SHANK2: variants seen among roughly 807,000 people sequenced by gnomAD.
SHANK2 encodes SH3 and multiple ankyrin repeat domains protein 2.
A neutral mutation model predicts 133.7 loss-of-function variants in SHANK2; 43 were observed. The ratio of observed to expected loss-of-function variants is 0.32; its 90% CI spans 0.25 to 0.41. The LOEUF is 0.41. Ranked by LOEUF, SHANK2 falls within the 10% of genes least tolerant of loss-of-function variation. The pLI, the probability that SHANK2 is intolerant of heterozygous loss-of-function variation, is 1.00. For synonymous variants in SHANK2, 1,017 were observed against 952.8 expected (o/e 1.07, Z -1.24); for missense variants, 1,994 against 2,235.8 (o/e 0.89, Z 2.18).
intron 14 of SHANK2, among the ~76,000 whole-genome samples, chr11:70,781,363 C>T (rs1349466496): frequency 6.6e-6 from 1 of 151,070 alleles, no homozygotes; most frequent in Non-Finnish European, 1.5e-5. Flanking sequence ...ACCCTCAGAG[C>T]CCCATGGTAC....
intron 11 of SHANK2, among the ~76,000 whole-genome samples, chr11:70,880,362 C>T (rs368111949): frequency 8.5e-5 from 13 of 152,170 alleles, no homozygotes; most frequent in South Asian, 6.2e-4. Context: ...GAAGAGTCTA[C>T]GAAGAAAGTT....
intron 11 of SHANK2, among the ~76,000 whole-genome samples, chr11:70,881,711 T>C (rs1447618812): frequency 7.0e-6 from 1 of 143,358 alleles, no homozygotes; most frequent in Non-Finnish European, 1.5e-5. Flanking sequence ...CTTTTGAGTA[T>C]ACTAGATCCT....
intron 2 of SHANK2, among the ~76,000 whole-genome samples, chr11:71,158,449 T>G (rs1255530440): frequency 6.6e-6 from 1 of 152,210 alleles, no homozygotes; most frequent in Non-Finnish European, 1.5e-5. Context: ...AGCATTATCT[T>G]TTTGAAATAA....
At chr11:70,853,406 A>G (rs531028950) in intron 11 of SHANK2, among the ~76,000 whole-genome samples, 76 of 152,316 alleles carry the variant, frequency 5.0e-4, no homozygotes, top group Middle Eastern at 3.4e-3. Flanking sequence ...AGTGAGGCTG[A>G]GTGCGTCGGC....
rs2058611497 is a variant in SHANK2 at position 70,472,730 on chromosome 11, AG to A, written c.*138del. The A allele has an allele frequency of 1.2e-6, 1 of 859,812 alleles. No individual in the cohort carries two copies. Among genetic ancestry groups the A allele is most frequent in the African/African-American group, 1.7e-5 (1 of 60,598 alleles). 53.3% of individuals were successfully genotyped at this position (859,812 alleles called of 1,614,324 possible). On this transcript the variant is annotated 3_prime_UTR_variant, in exon 26 of 26. Coordinates refer to ENST00000601538, the MANE Select transcript of SHANK2 (RefSeq NM_012309.5). The surrounding 1 kb of genome is among the most constrained non-coding windows in gnomAD (Gnocchi z 4.4). The stretch of plus-strand genomic sequence containing the variant: ...CCCAGCCATGTTGTGGACACAACTC[AG>A]TATTTCTTTGGGTACCAGGAGACAA...
intron 9 of SHANK2, among the ~76,000 whole-genome samples, chr11:71,067,781 T>TCACCAC (rs1295672667): frequency 1.3e-5 from 2 of 151,518 alleles, no homozygotes; most frequent in African/African-American, 4.9e-5. Context: ...ACTGCCATCA[T>TCACCAC]CACCACCACC....
chr11:70,792,922 C>CA (rs1332653544), intron 14 of SHANK2, among the ~76,000 whole-genome samples: 3 of 151,596 alleles, frequency 2.0e-5, no homozygotes, highest in Non-Finnish European at 2.9e-5. Context: ...CTCGTCTCTA[C>CA]AAAAAAATAC....
Position 70,486,984 on chromosome 11 carries a change from G to A in SHANK2, c.3309C>T (p.Leu1103=). Residue 1103 remains leucine (L), a synonymous_variant, in exon 25 of 26, where the codon CTC becomes CTT. Coordinates refer to ENST00000601538, the MANE Select transcript of SHANK2 (RefSeq NM_012309.5). The surrounding 1 kb of genome is among the most constrained non-coding windows in gnomAD (Gnocchi z 8.0). The part of the protein sequence containing the change: ...LEARRNSPAF[L]STDLGDEDVG... Reference sequence around the variant, plus strand: ...CATCCTCATCCCCCAGGTCTGTGGAGAGGAAGGCCGGGGAGTTCCTCCTGG... The same window carrying A: ...CATCCTCATCCCCCAGGTCTGTGGAAAGGAAGGCCGGGGAGTTCCTCCTGG... 1 of 1,611,676 alleles carries A rather than the reference G, an allele frequency of 6.2e-7. No homozygotes were observed. The highest frequency in any genetic ancestry group is 8.5e-7 in the Non-Finnish European group (1 of 1,179,796).
At chr11:70,766,095 G>A (rs147347240) in intron 14 of SHANK2, among the ~76,000 whole-genome samples, 1 of 152,354 alleles carries the variant, frequency 6.6e-6, no homozygotes, top group East Asian at 1.9e-4. Flanking sequence ...ATTGGAAGCA[G>A]AGTGGACAAT....
chr11:70,624,401 G>A (rs1397011124), intron 17 of SHANK2, among the ~76,000 whole-genome samples: 2 of 151,888 alleles, frequency 1.3e-5, no homozygotes, highest in Admixed American at 6.6e-5. Context: ...AGGGGGTGTT[G>A]GACACACTGC....
chr11:70,834,130 C>A (rs1948770537), intron 11 of SHANK2, among the ~76,000 whole-genome samples: 1 of 152,274 alleles, frequency 6.6e-6, no homozygotes, highest in South Asian at 2.1e-4. Flanking sequence ...GCAGGGGATG[C>A]CCTGATATCC....
intron 17 of SHANK2, among the ~76,000 whole-genome samples, chr11:70,643,920 G>T (rs74554279): frequency 5.3e-5 from 8 of 151,730 alleles, no homozygotes; most frequent in Non-Finnish European, 1.0e-4. Context: ...CAGGTGGAGG[G>T]GGGGGAGGAA....
At chr11:70,712,148 C>T (rs141706610) in intron 14 of SHANK2, among the ~76,000 whole-genome samples, 129 of 152,312 alleles carry the variant, frequency 8.5e-4, no homozygotes, top group African/African-American at 2.4e-3. Flanking sequence ...CGGTGTTCCT[C>T]GGATCCTGGC....
chr11:70,549,808 G>A (rs2059741825), intron 17 of SHANK2, among the ~76,000 whole-genome samples: 1 of 152,264 alleles, frequency 6.6e-6, no homozygotes, highest in African/African-American at 2.4e-5. Flanking sequence ...AAACAGAGCT[G>A]CATTTTAGGC....
intron 17 of SHANK2, among the ~76,000 whole-genome samples, chr11:70,583,683 C>T (rs1320955508): frequency 6.6e-6 from 1 of 152,178 alleles, no homozygotes; most frequent in Non-Finnish European, 1.5e-5. Context: ...AAATCTGGAG[C>T]CTGTCCACTC....
intron 12 of SHANK2, among the ~76,000 whole-genome samples, chr11:70,813,669 G>A (rs112779375): frequency 3.5e-4 from 54 of 152,182 alleles, no homozygotes; most frequent in African/African-American, 1.2e-3. Context: ...CACAGCAAAC[G>A]CAGGAGTTCC....
chr11:70,861,181 G>T (rs1949253212), intron 11 of SHANK2, among the ~76,000 whole-genome samples: 1 of 152,218 alleles, frequency 6.6e-6, no homozygotes, highest in Non-Finnish European at 1.5e-5. Context: ...TAACCCTGCA[G>T]TTGGAAGGTC....
intron 17 of SHANK2, among the ~76,000 whole-genome samples, chr11:70,511,168 G>C (rs2059200418): frequency 6.6e-6 from 1 of 152,222 alleles, no homozygotes; most frequent in Admixed American, 6.5e-5. Context: ...TATGGGAAGA[G>C]TGGGGCAAAG....
chr11:70,696,618 A>T (rs1373065493), intron 15 of SHANK2, among the ~76,000 whole-genome samples: 1 of 152,216 alleles, frequency 6.6e-6, no homozygotes, highest in Admixed American at 6.5e-5. Flanking sequence ...CTTCAAGGTC[A>T]CAAAGTGGGC....
Sources: gnomAD v4.1 joint callset for allele counts (sites outside exome capture counted in the v4.1 genomes callset) on GRCh38, gnomAD v4.1.1 for gene constraint, Gnocchi (gnomAD v3.1) non-coding constraint, MANE v1.5 for transcripts, NCBI Gene and HGNC (gene_info 2026-07-23, HGNC 2026-07-21) for gene names.